Variants in NIPAL2 observed in about 807,000 individuals in gnomAD.
The protein encoded by NIPAL2 is NIPA-like protein 2.
A neutral mutation model predicts 48.9 loss-of-function variants in NIPAL2; 43 were observed. The observed-to-expected ratio is 0.88, with a 90% CI of 0.69 to 1.13. NIPAL2 has a LOEUF of 1.13. Ranked by LOEUF, NIPAL2 falls within the 50% of genes most tolerant of loss-of-function variation. The pLI is 0.00. For missense variants in NIPAL2, 446 were observed against 461.4 expected, an observed-to-expected ratio of 0.97 and a Z score of 0.31; for synonymous variants, 167 against 174.6, an observed-to-expected ratio of 0.96 and a Z score of 0.34.
At chr8:98,247,890 A>G (rs934068707) in intron 3 of NIPAL2, among the ~76,000 whole-genome samples, 3 of 152,192 alleles carry the variant, frequency 2.0e-5, no homozygotes, top group Non-Finnish European at 2.9e-5. Flanking sequence ...TTTCTGGTAT[A>G]TTAATAGTTT....
chr8:98,199,831 C>T (rs1460649166), intron 8 of NIPAL2, among the ~76,000 whole-genome samples: 9 of 152,034 alleles, frequency 5.9e-5, no homozygotes, highest in East Asian at 5.8e-4. Flanking sequence ...CAATAAAATG[C>T]GGTATGCCTC....
intron 7 of NIPAL2, among the ~76,000 whole-genome samples, chr8:98,203,980 G>A (rs911335496): frequency 2.6e-5 from 4 of 152,020 alleles, no homozygotes; most frequent in African/African-American, 4.8e-5. Context: ...ATGTACATAT[G>A]TATGTACAAA....
chr8:98,217,052 G>C, intron 5 of NIPAL2: 1 of 985,420 alleles, frequency 1.0e-6, no homozygotes, highest in Non-Finnish European at 1.2e-6. Context: ...GTTTGACCTT[G>C]AAAACTCCAC....
intron 2 of NIPAL2, 90 bp downstream of exon 2, chr8:98,253,929 C>T (rs1193015114): frequency 4.3e-6 from 3 of 698,160 alleles, no homozygotes; most frequent in African/African-American, 3.7e-5. Context: ...GAGAAAAGAG[C>T]CACAAAGACA....
intron 5 of NIPAL2, among the ~76,000 whole-genome samples, chr8:98,222,205 G>GT (rs909288421): frequency 1.2e-4 from 18 of 151,540 alleles, no homozygotes; most frequent in African/African-American, 2.9e-4. Context: ...GGAAGGGAAT[G>GT]TTTTTTTTTA....
intron 3 of NIPAL2, among the ~76,000 whole-genome samples, chr8:98,242,724 TC>T (rs1337670382): frequency 6.6e-6 from 1 of 152,034 alleles, no homozygotes. Flanking sequence ...AACCTCGTGA[TC>T]CTCCCGCCTT....
At chr8:98,210,998 C>T (rs1811282771) in intron 6 of NIPAL2, among the ~76,000 whole-genome samples, 1 of 152,126 alleles carries the variant, frequency 6.6e-6, no homozygotes, top group South Asian at 2.1e-4. Context: ...TGGAGAACCC[C>T]TGTCTTAGTA....
intron 1 of NIPAL2, among the ~76,000 whole-genome samples, chr8:98,266,304 A>G (rs1035808621): frequency 4.5e-4 from 68 of 151,968 alleles, no homozygotes; most frequent in African/African-American, 1.6e-3. Context: ...GAAAATGAAA[A>G]AAAAAAGTTA....
intron 1 of NIPAL2, among the ~76,000 whole-genome samples, chr8:98,282,442 G>A (rs1815892808): frequency 6.6e-6 from 1 of 152,148 alleles, no homozygotes; most frequent in Non-Finnish European, 1.5e-5. Context: ...GGAAGACCAA[G>A]CAGGAGATAG....
chr8:98,240,440 T>C (rs1180017452), intron 3 of NIPAL2, among the ~76,000 whole-genome samples: 2 of 152,174 alleles, frequency 1.3e-5, no homozygotes, highest in Non-Finnish European at 2.9e-5. Context: ...CAGCCAAAAC[T>C]CACTGCCCAT....
chr8:98,282,520 A>G (rs778242499), intron 1 of NIPAL2, among the ~76,000 whole-genome samples: 2 of 152,088 alleles, frequency 1.3e-5, no homozygotes, highest in Non-Finnish European at 2.9e-5. Flanking sequence ...CTAAAGAAAC[A>G]ATACCAGCTG....
chr8:98,228,670 G>GCATC (rs199913885), intron 4 of NIPAL2, among the ~76,000 whole-genome samples: 2 of 150,560 alleles, frequency 1.3e-5, no homozygotes, highest in Non-Finnish European at 3.0e-5. Flanking sequence ...ATCTCAGGAT[G>GCATC]CATCTCAGGA....
At position 98,257,632 on chromosome 8, in the gene NIPAL2, T is replaced by G. The variant is rs181454562; in HGVS notation, c.136-3545A>C. Among the ~76,000 whole-genome samples the G allele has an allele frequency of 4.6e-5, 7 of 152,218 alleles. No individual in the cohort carries two copies. The East Asian group carries it at 1.4e-3, about 29-fold the overall frequency. On this transcript the variant is annotated intron_variant, in intron 1 of 10. Transcript: ENST00000430223. ...GAAAATCAATGTTCTGTAGAGAATC[T>G]CCATCCTTTTCCAGGTCTTTTCCCT...
chr8:98,199,116 C>G (rs996910047), intron 8 of NIPAL2, among the ~76,000 whole-genome samples: 3 of 151,806 alleles, frequency 2.0e-5, no homozygotes, highest in Admixed American at 2.0e-4. Flanking sequence ...GCCACCATGC[C>G]CGGCTAATTT....
chr8:98,211,733 A>AAGTGT (rs1271888062), intron 6 of NIPAL2, among the ~76,000 whole-genome samples: 19,248 of 108,960 alleles, frequency 0.18, 2,097 homozygotes, highest in South Asian at 0.28. Context: ...AGAGAGAGAA[A>AAGTGT]GTGTGTGTGT....
chr8:98,254,798 G>A (rs114556831), intron 1 of NIPAL2, among the ~76,000 whole-genome samples: 1,930 of 152,252 alleles, frequency 0.013, 18 homozygotes, highest in Middle Eastern at 0.017. Context: ...TATGTGGCAC[G>A]CGCCATCCTC....
intron 1 of NIPAL2, among the ~76,000 whole-genome samples, chr8:98,286,638 G>A (rs926114789): frequency 7.9e-5 from 12 of 151,782 alleles, no homozygotes; most frequent in African/African-American, 2.9e-4. Context: ...GTGAAACCCT[G>A]TCTCTACTAA....
intron 4 of NIPAL2, among the ~76,000 whole-genome samples, chr8:98,228,463 C>T (rs1812285721): frequency 6.6e-6 from 1 of 152,226 alleles, no homozygotes; most frequent in African/African-American, 2.4e-5. Context: ...ATTCACATTT[C>T]ACTGCTACTT....
chr8:98,274,405 T>A (rs1815341276), intron 1 of NIPAL2, among the ~76,000 whole-genome samples: 1 of 152,012 alleles, frequency 6.6e-6, no homozygotes, highest in South Asian at 2.1e-4. Flanking sequence ...ATTAAAAATC[T>A]ACCACAAATA....
Sources: allele counts gnomAD v4.1 joint callset (sites outside exome capture counted in the v4.1 genomes callset), GRCh38; gene constraint gnomAD v4.1.1; transcripts MANE v1.5; gene names NCBI Gene and HGNC (gene_info 2026-07-23, HGNC 2026-07-21).